The following GLMN variants were observed in gnomAD, a reference collection of about 807,000 sequenced individuals.
The protein encoded by GLMN is glomulin.
In GLMN, 75 loss-of-function variants were observed where a neutral mutation model predicts 87.8. The ratio of observed to expected loss-of-function variants is 0.85; its 90% confidence interval spans 0.71 to 1.04. GLMN has a LOEUF of 1.04. Among genes scored for constraint, GLMN ranks in the 50% least tolerant of loss-of-function variants. GLMN has a pLI of 0.00. For missense variants in GLMN, 588 were observed against 658.8 expected (o/e 0.89, Z 1.18); for synonymous variants, 206 against 221.6 (o/e 0.93, Z 0.63).
the GLMN span, among the ~76,000 whole-genome samples, chr1:92,354,965 C>G: frequency 6.6e-6 from 1 of 151,336 alleles, no homozygotes; most frequent in African/African-American, 2.4e-5. Flanking sequence ...GTGGCACGAT[C>G]TCAGCTCATT....
chr1:92,309,485 A>G, the GLMN span, among the ~76,000 whole-genome samples: 10 of 152,236 alleles, frequency 6.6e-5, no homozygotes, highest in Non-Finnish European at 1.0e-4. Context: ...AAATGAATCA[A>G]CTTAATTTAC....
chr1:92,304,233 T>G, the GLMN span: 1 of 1,260,374 alleles, frequency 7.9e-7, no homozygotes, highest in Non-Finnish European at 1.1e-6. Flanking sequence ...TAACATAACG[T>G]TCATGTTTAT....
chr1:92,370,428 T>G, the GLMN span, among the ~76,000 whole-genome samples: 1 of 152,134 alleles, frequency 6.6e-6, no homozygotes, highest in South Asian at 2.1e-4. Flanking sequence ...TTCAAGAATA[T>G]GAAGGAATAA....
the GLMN span, among the ~76,000 whole-genome samples, chr1:92,321,242 A>C: frequency 1.3e-5 from 2 of 152,206 alleles, no homozygotes; most frequent in African/African-American, 4.8e-5. Context: ...AGAGTAGTAT[A>C]AAAACATAAT....
At chr1:92,255,825 C>T (rs968930916) in intron 16 of GLMN, among the ~76,000 whole-genome samples, 3 of 151,942 alleles carry the variant, frequency 2.0e-5, no homozygotes, top group East Asian at 1.9e-4. Context: ...GATCTAAAAT[C>T]GACGACCTAA....
At chr1:92,340,150 G>T in the GLMN span, among the ~76,000 whole-genome samples, 8 of 152,126 alleles carry the variant, frequency 5.3e-5, no homozygotes, top group African/African-American at 1.9e-4. Context: ...CAAAAACCTT[G>T]GTGTTAATTA....
the GLMN span, among the ~76,000 whole-genome samples, chr1:92,355,114 G>A: frequency 4.0e-5 from 6 of 151,734 alleles, no homozygotes; most frequent in African/African-American, 1.2e-4. Flanking sequence ...CATTGCCTAG[G>A]CTGGTCTTGA....
the GLMN span, among the ~76,000 whole-genome samples, chr1:92,311,576 T>A: frequency 6.6e-6 from 1 of 152,342 alleles, no homozygotes; most frequent in East Asian, 1.9e-4. Context: ...GAACTTGGCA[T>A]CACTGAGGAT....
chr1:92,283,539 A>G (rs918480317), intron 7 of GLMN, among the ~76,000 whole-genome samples: 4 of 152,214 alleles, frequency 2.6e-5, no homozygotes, highest in Admixed American at 2.0e-4. Flanking sequence ...AATTGGAAGC[A>G]TTCCCTTTGA....
intron 14 of GLMN, among the ~76,000 whole-genome samples, chr1:92,264,206 G>C (rs1422630239): frequency 6.6e-6 from 1 of 152,008 alleles, no homozygotes; most frequent in Non-Finnish European, 1.5e-5. Flanking sequence ...CCAATTACTC[G>C]GGAGGCTGAG....
chr1:92,287,944 G>GA (rs577483317), intron 6 of GLMN, among the ~76,000 whole-genome samples: 15 of 151,786 alleles, frequency 9.9e-5, no homozygotes, highest in Non-Finnish European at 1.8e-4. Flanking sequence ...GTAAGAATGG[G>GA]AGAGATGATT....
chr1:92,247,825 A>G (rs1652896966), intron 17 of GLMN, 53 bp downstream of exon 17: 2 of 785,524 alleles, frequency 2.5e-6, no homozygotes, highest in Non-Finnish European at 4.6e-6. Flanking sequence ...TGACAGTTCC[A>G]AAATTAGACT....
the GLMN span, among the ~76,000 whole-genome samples, chr1:92,334,935 C>T: frequency 6.6e-6 from 1 of 152,068 alleles, no homozygotes; most frequent in African/African-American, 2.4e-5. Flanking sequence ...TTGCAGTGAG[C>T]CAAGATCGCA....
intron 7 of GLMN, 128 bp from the exon 8 acceptor site, chr1:92,271,780 A>C: frequency 1.5e-6 from 1 of 687,382 alleles, no homozygotes; most frequent in Non-Finnish European, 2.6e-6. Context: ...AGTGGGACCT[A>C]TGAGACTTGC....
chr1:92,299,660 A>G (rs529485927), upstream of GLMN, among the ~76,000 whole-genome samples: 42 of 152,340 alleles, frequency 2.8e-4, no homozygotes, highest in South Asian at 4.1e-3. Flanking sequence ...AGAAAATTCA[A>G]TCCCCAAAGA....
Position 92,290,320 on chromosome 1 carries a change from C to T in GLMN, c.286-14G>A, listed in dbSNP as rs1421390133. The T allele has an allele frequency of 7.1e-7, 1 of 1,409,286 alleles. No individual in the cohort carries two copies. Among genetic ancestry groups the T allele is most frequent in the Admixed American group, 1.7e-5 (1 of 59,750 alleles). The allele number at this position is 1,409,286 out of a possible 1,614,324, so 87.3% of individuals were successfully genotyped here. On this transcript the variant is annotated splice_polypyrimidine_tract_variant and intron_variant, in intron 4 of 18. Coordinates refer to ENST00000370360, the MANE Select transcript of GLMN (RefSeq NM_053274.3). ...TGGATTGCATAACTATAAAAATATT[C>T]ACAATTGAACCTGTTTAATACAAGT...
At chr1:92,342,427 T>C in the GLMN span, among the ~76,000 whole-genome samples, 2 of 151,964 alleles carry the variant, frequency 1.3e-5, no homozygotes, top group Admixed American at 1.3e-4. Context: ...GGGATTGGGG[T>C]TGGGTGTAGT....
At chr1:92,247,455 G>GCCTA (rs1652842534) in intron 17 of GLMN, among the ~76,000 whole-genome samples, 1 of 152,088 alleles carries the variant, frequency 6.6e-6, no homozygotes, top group Non-Finnish European at 1.5e-5. Flanking sequence ...TTCCGGTAAT[G>GCCTA]CCTATAAAAG....
chr1:92,300,209 G>A (rs949879465), upstream of GLMN: 3 of 1,610,060 alleles, frequency 1.9e-6, no homozygotes, highest in African/African-American at 2.7e-5. Flanking sequence ...AAACAGACAA[G>A]TACTTTGAAA....
Sources: gnomAD v4.1 joint callset for allele counts (sites outside exome capture counted in the v4.1 genomes callset) on GRCh38, gnomAD v4.1.1 for gene constraint, MANE v1.5 for transcripts, NCBI Gene and HGNC (gene_info 2026-07-23, HGNC 2026-07-21) for gene names.